RBFOX1: variants seen among roughly 807,000 people sequenced by gnomAD.
The protein encoded by RBFOX1 is RNA binding protein fox-1 homolog 1.
Under a neutral mutation model 57.7 loss-of-function variants are expected in RBFOX1, and 8 were observed. The ratio of observed to expected loss-of-function variants is 0.14; its 90% CI spans 0.08 to 0.25. The LOEUF is 0.25. RBFOX1 is among the 10% of genes least tolerant of loss of function. The pLI, the probability that RBFOX1 is intolerant of heterozygous loss-of-function variation, is 1.00. For synonymous variants in RBFOX1, 326 were observed against 222.4 expected (o/e 1.47, Z -4.15); for missense variants, 611 against 548.5 (o/e 1.11, Z -1.14).
chr16:5,949,539 AAAAAAAG>A (rs1224507101), intron 4 of RBFOX1, among the ~76,000 whole-genome samples: 48 of 146,098 alleles, frequency 3.3e-4, no homozygotes, highest in East Asian at 1.6e-3. Context: ...AAAAAAAAAA[AAAAAAAG>A]AAAAGAATAC....
intron 4 of RBFOX1, among the ~76,000 whole-genome samples, chr16:7,459,615 C>T (rs2059178261): frequency 6.6e-6 from 1 of 152,140 alleles, no homozygotes; most frequent in African/African-American, 2.4e-5. Context: ...TGCGGGGGGA[C>T]AGTTCTAGTT....
chr16:6,411,239 C>T (rs977789401), intron 2 of RBFOX1, among the ~76,000 whole-genome samples: 1 of 152,156 alleles, frequency 6.6e-6, no homozygotes, highest in African/African-American at 2.4e-5. Flanking sequence ...GCTGGGACCT[C>T]CCAAAGCATT....
chr16:5,799,343 G>A (rs901136663), intron 3 of RBFOX1, among the ~76,000 whole-genome samples: 1 of 152,146 alleles, frequency 6.6e-6, no homozygotes, highest in Non-Finnish European at 1.5e-5. Flanking sequence ...TGGGGACATA[G>A]CCAAACCATA....
intron 3 of RBFOX1, among the ~76,000 whole-genome samples, chr16:6,927,288 C>G (rs2075761324): frequency 6.6e-6 from 1 of 151,438 alleles, no homozygotes; most frequent in Non-Finnish European, 1.5e-5. Flanking sequence ...TGACACACAC[C>G]TGTAGTATCA....
chr16:7,409,595 A>G lies in RBFOX1; in HGVS notation c.28-108552A>G, dbSNP rs369032514. On this transcript the variant is annotated intron_variant, in intron 4 of 15. Transcript: ENST00000550418. ...TTGAATATGTATGTGTGCGTAATAC[A>G]TATTACGTTCGTTTGGATGGTCTTA... Among the ~76,000 whole-genome samples the G allele has an allele frequency of 9.6e-3, 1,459 of 152,324 alleles. 20 individuals are homozygous for G. Among genetic ancestry groups the G allele is most frequent in the African/African-American group, 0.034 (1,410 of 41,574 alleles).
At chr16:6,500,161 G>A (rs1035549848) in intron 2 of RBFOX1, among the ~76,000 whole-genome samples, 10 of 152,086 alleles carry the variant, frequency 6.6e-5, no homozygotes, top group African/African-American at 1.4e-4. Context: ...TTTGAGTCAC[G>A]CCAACTCTTT....
At chr16:6,637,432 A>T (rs2098453273) in intron 2 of RBFOX1, among the ~76,000 whole-genome samples, 3 of 11,400 alleles carry the variant, frequency 2.6e-4, no homozygotes, top group Non-Finnish European at 1.2e-3. Flanking sequence ...TAAATATATT[A>T]TATAAATATA....
chr16:7,350,370 C>G (rs116339076), intron 4 of RBFOX1, among the ~76,000 whole-genome samples: 1 of 152,076 alleles, frequency 6.6e-6, no homozygotes, highest in African/African-American at 2.4e-5. Context: ...GGCTGTGACA[C>G]AGTGGGTAAA....
Position 7,712,338 on chromosome 16 carries a change from C to T in RBFOX1, c.*1593C>T, listed in dbSNP as rs570654452. 1 of 152,644 alleles carries T rather than the reference C, an allele frequency of 6.6e-6. No individual in the cohort carries two copies. The highest frequency in any genetic ancestry group is 2.4e-5 in the African/African-American group (1 of 41,518). The allele number at this position is 152,644 out of a possible 1,614,324, so 9.5% of individuals were successfully genotyped here. ...ACTTCAGTAAGTTATCAACTCTCAC[C>T]GCTGTGAACCTGCCAATCCGCTGTA... On this transcript the variant is annotated 3_prime_UTR_variant, in exon 16 of 16. Transcript: ENST00000550418.
At chr16:6,767,948 AAGAAGAAGAAGAAG>A (rs1195975022) in intron 3 of RBFOX1, among the ~76,000 whole-genome samples, 1 of 48,786 alleles carries the variant, frequency 2.0e-5, no homozygotes, top group Non-Finnish European at 3.9e-5. Flanking sequence ...TAATAATAAT[AAGAAGAAGAAGAAG>A]AAGAAGAAGA....
intron 10 of RBFOX1, chr16:7,614,708 T>G (rs755737501): frequency 1.6e-4 from 25 of 152,144 alleles, no homozygotes; most frequent in Non-Finnish European, 2.9e-4. Context: ...AAGTTACCAT[T>G]GTCCACATAG....
At position 6,892,995 on chromosome 16, in the gene RBFOX1, A is replaced by G. The variant is rs951602282; in HGVS notation, c.-15-159062A>G. Among the ~76,000 whole-genome samples, 10 of 152,252 alleles carry G rather than the reference A, an allele frequency of 6.6e-5. 2 individuals are homozygous for G. Among genetic ancestry groups the G allele is most frequent in the East Asian group, 1.9e-4 (1 of 5,178 alleles). ...AGTTTTACTTTTAATTGCAAAAACT[A>G]CAATTACTTTTCATTGCAAACACTG... is the stretch of plus-strand genomic sequence containing the variant. On this transcript the variant is annotated intron_variant, in intron 3 of 15. Coordinates refer to ENST00000550418, the MANE Select transcript of RBFOX1 (RefSeq NM_018723.4).
intron 3 of RBFOX1, among the ~76,000 whole-genome samples, chr16:7,037,263 G>C (rs1451876282): frequency 1.8e-5 from 2 of 113,796 alleles, no homozygotes; most frequent in Non-Finnish European, 3.4e-5. Context: ...TTTTGAGATG[G>C]AGTTTTGCTC....
chr16:7,181,347 C>T (rs1422877032), intron 4 of RBFOX1, among the ~76,000 whole-genome samples: 1 of 152,150 alleles, frequency 6.6e-6, no homozygotes, highest in African/African-American at 2.4e-5. Context: ...CTCCAAACCC[C>T]TTTGGTTCTA....
At chr16:6,458,722 AG>A (rs2094836907) in intron 2 of RBFOX1, among the ~76,000 whole-genome samples, 1 of 152,254 alleles carries the variant, frequency 6.6e-6, no homozygotes, top group South Asian at 2.1e-4. Context: ...TTGACCTAGG[AG>A]TAAGGAATGA....
intron 2 of RBFOX1, among the ~76,000 whole-genome samples, chr16:5,514,414 A>T (rs896359891): frequency 6.6e-6 from 1 of 152,174 alleles, no homozygotes; most frequent in African/African-American, 2.4e-5. Context: ...CAGAATGGTG[A>T]GTTTTCCTTT....
intron 3 of RBFOX1, among the ~76,000 whole-genome samples, chr16:6,808,089 T>G (rs935776785): frequency 2.7e-5 from 4 of 150,170 alleles, no homozygotes; most frequent in Non-Finnish European, 5.9e-5. Context: ...TCATACTCAA[T>G]AGAACTAGAT....
rs574799919 is a variant in RBFOX1 at position 7,628,741 on chromosome 16, T to C, written c.677-1862T>C. ...GATTCTCCTGCCTCAGTCTCCTGAG[T>C]AGCTGGAATTACAGGCGCCTGCCAC... On this transcript the variant is annotated intron_variant, in intron 10 of 15. Coordinates refer to ENST00000550418, the MANE Select transcript of RBFOX1 (RefSeq NM_018723.4). Among the ~76,000 whole-genome samples, 18 of 152,156 alleles carry C rather than the reference T, an allele frequency of 1.2e-4. No homozygotes were observed. In the East Asian group the frequency reaches 3.5e-3, roughly 30 times the overall value.
intron 3 of RBFOX1, among the ~76,000 whole-genome samples, chr16:5,636,262 C>A (rs1284987403): frequency 6.6e-6 from 1 of 152,162 alleles, no homozygotes; most frequent in African/African-American, 2.4e-5. Context: ...GCAGGAGAAT[C>A]ATTTAAACCC....
Sources: gnomAD v4.1 joint callset for allele counts (sites outside exome capture counted in the v4.1 genomes callset) on GRCh38, gnomAD v4.1.1 for gene constraint, MANE v1.5 for transcripts, NCBI Gene and HGNC (gene_info 2026-07-23, HGNC 2026-07-21) for gene names.